MAPK10: variants seen among roughly 807,000 people sequenced by gnomAD.
The protein encoded by MAPK10 is JNK3 alpha protein kinase.
In MAPK10, 25 loss-of-function variants were observed where a neutral mutation model predicts 59.3. The ratio of observed to expected loss-of-function variants is 0.42; its 90% CI spans 0.31 to 0.59. The LOEUF is 0.59. Ranked by LOEUF, MAPK10 falls within the 20% of genes least tolerant of loss-of-function variation. The pLI is 0.15. For synonymous variants in MAPK10, 190 were observed against 200.5 expected (o/e 0.95, Z 0.44); for missense variants, 351 against 568.9 (o/e 0.62, Z 3.90).
chr4:86,150,051 G>GT (rs2066024907), intron 4 of MAPK10, among the ~76,000 whole-genome samples: 1 of 152,170 alleles, frequency 6.6e-6, no homozygotes, highest in African/African-American at 2.4e-5. Flanking sequence ...TGGAACCAAC[G>GT]TAAGTGCCCA....
intron 2 of MAPK10, among the ~76,000 whole-genome samples, chr4:86,341,820 G>A (rs199629101): frequency 1.1e-3 from 154 of 140,836 alleles, no homozygotes; most frequent in Middle Eastern, 3.6e-3. Context: ...GACCAAAAAA[G>A]AAAAAAAAAA....
intron 1 of MAPK10, among the ~76,000 whole-genome samples, chr4:86,463,673 C>T (rs537627904): frequency 2.0e-5 from 3 of 152,268 alleles, no homozygotes; most frequent in African/African-American, 7.2e-5. Context: ...CAATTGGAAA[C>T]ATTAAATGAC....
At chr4:86,219,888 T>A (rs1241785286) in intron 2 of MAPK10, 1 of 152,198 alleles carries the variant, frequency 6.6e-6, no homozygotes, top group Non-Finnish European at 1.5e-5. Context: ...GAAAACCGTC[T>A]ACAGATAAGT....
rs531207117 is a variant in MAPK10, at chr4:86,451,841, T to G, written c.-122+1189A>C. Among the ~76,000 whole-genome samples, 76 of 152,128 alleles carry G rather than the reference T, an allele frequency of 5.0e-4. 1 individual carries two copies. In the South Asian group the frequency reaches 0.012, roughly 24 times the overall value. ...TTTAGATCTCGAGTCCAAAGCAGGA[T>G]CTGAGAGAGGAGTTGACAAAAAAAG... On this transcript the variant is annotated intron_variant, in intron 1 of 13. Coordinates refer to the MAPK10 transcript ENST00000361569.
chr4:86,503,853 T>G (rs1564958915), intron 1 of MAPK10, among the ~76,000 whole-genome samples: 1 of 152,074 alleles, frequency 6.6e-6, no homozygotes, highest in South Asian at 2.1e-4. Context: ...TCTACCACAA[T>G]TAATTATTCA....
intron 3 of MAPK10, among the ~76,000 whole-genome samples, chr4:86,173,162 A>G (rs555098476): frequency 3.9e-5 from 6 of 152,222 alleles, no homozygotes; most frequent in Non-Finnish European, 5.9e-5. Context: ...CGTATAGCCA[A>G]TACAATCCTA....
At chr4:86,364,379 T>G (rs1737491081), upstream of MAPK10, among the ~76,000 whole-genome samples, 1 of 152,050 alleles carries the variant, frequency 6.6e-6, no homozygotes, top group African/African-American at 2.4e-5. Context: ...TCCACCCACC[T>G]TGACCTCCCA....
At position 86,334,949 on chromosome 4, in the gene MAPK10, T is replaced by C. The variant is rs554484611; in HGVS notation, c.-7+19581A>G. 1.5e-4 allele frequency: 19 copies of C among 124,182 alleles called. No individual in the cohort carries two copies. In the East Asian group the frequency reaches 4.2e-3, roughly 28 times the overall value. The allele number at this position is 124,182 out of a possible 1,614,324, so 7.7% of individuals were successfully genotyped here. ...CTGAACTCAATGCCTAGAATAATAG[T>C]CTTTCACATGTATGTTATATATATA... is the stretch of plus-strand genomic sequence containing the variant. On this transcript the variant is annotated intron_variant, in intron 2 of 13. Coordinates refer to ENST00000641462, the MANE Select transcript of MAPK10 (RefSeq NM_138982.4).
At chr4:86,480,002 G>T (rs563256557) in intron 1 of MAPK10, among the ~76,000 whole-genome samples, 2 of 151,440 alleles carry the variant, frequency 1.3e-5, no homozygotes, top group African/African-American at 4.9e-5. Context: ...AAAAATTTTC[G>T]CCACCCCAAC....
chr4:86,322,766 TA>T (rs1308821266), intron 2 of MAPK10, among the ~76,000 whole-genome samples: 1 of 152,236 alleles, frequency 6.6e-6, no homozygotes, highest in African/African-American at 2.4e-5. Context: ...CTGGGGTTTT[TA>T]AAGCTAATAA....
At chr4:86,534,356 C>T (rs888141666) in intron 1 of MAPK10, among the ~76,000 whole-genome samples, 13 of 152,064 alleles carry the variant, frequency 8.5e-5, no homozygotes, top group Admixed American at 6.5e-4. Flanking sequence ...CCCAACATTT[C>T]ACGCAAGCTG....
intron 1 of MAPK10, among the ~76,000 whole-genome samples, chr4:86,562,420 G>C (rs1389896694): frequency 6.6e-6 from 1 of 152,130 alleles, no homozygotes; most frequent in Non-Finnish European, 1.5e-5. Flanking sequence ...TGGGTACAGT[G>C]GCTCACACCT....
intron 1 of MAPK10, among the ~76,000 whole-genome samples, chr4:86,419,198 G>T (rs529661058): frequency 2.0e-5 from 3 of 152,268 alleles, no homozygotes; most frequent in African/African-American, 7.2e-5. Flanking sequence ...AAGAACAGCT[G>T]TGGCTATAAA....
intron 10 of MAPK10, among the ~76,000 whole-genome samples, chr4:86,067,204 C>T (rs188792279): frequency 3.3e-5 from 5 of 152,200 alleles, no homozygotes; most frequent in East Asian, 3.9e-4. Context: ...TGCAGTTGCC[C>T]GATCTCGGCT....
chr4:86,316,865 G>A (rs1329316943), intron 2 of MAPK10, among the ~76,000 whole-genome samples: 2 of 152,012 alleles, frequency 1.3e-5, no homozygotes, highest in South Asian at 2.1e-4. Flanking sequence ...TGTCGTAGTA[G>A]AAATGCCCAC....
intron 1 of MAPK10, among the ~76,000 whole-genome samples, chr4:86,555,169 C>A (rs1228553715): frequency 6.6e-6 from 1 of 152,242 alleles, no homozygotes; most frequent in South Asian, 2.1e-4. Flanking sequence ...AGGGATCTGC[C>A]GGGCACGGTG....
chr4:86,202,083 C>T (rs1369633544), intron 2 of MAPK10, among the ~76,000 whole-genome samples: 1 of 151,938 alleles, frequency 6.6e-6, no homozygotes, highest in Non-Finnish European at 1.5e-5. Flanking sequence ...TTTGTATTTA[C>T]TCACATAGTA....
At chr4:86,275,161 C>T (rs545590069) in intron 2 of MAPK10, among the ~76,000 whole-genome samples, 1 of 152,094 alleles carries the variant, frequency 6.6e-6, no homozygotes, top group Admixed American at 6.6e-5. Context: ...CAATTCTGAT[C>T]ATGATGGGCT....
At chr4:86,530,534 A>G (rs1757779168) in intron 1 of MAPK10, among the ~76,000 whole-genome samples, 1 of 152,148 alleles carries the variant, frequency 6.6e-6, no homozygotes, top group Admixed American at 6.5e-5. Flanking sequence ...AAACAACCGA[A>G]ATTTATTTCT....
Sources: allele counts gnomAD v4.1 joint callset (sites outside exome capture counted in the v4.1 genomes callset), GRCh38; gene constraint gnomAD v4.1.1; transcripts MANE v1.5; gene names NCBI Gene and HGNC (gene_info 2026-07-23, HGNC 2026-07-21).